NAV2: variants seen among roughly 807,000 people sequenced by gnomAD.
NAV2 encodes the protein helicase, APC down-regulated 1.
In NAV2, 54 loss-of-function variants were observed where a neutral mutation model predicts 223.2. The ratio of observed to expected loss-of-function variants is 0.24; its 90% CI spans 0.19 to 0.30. The LOEUF (loss-of-function observed/expected upper bound fraction) is 0.30, where lower values mean the gene tolerates loss of function less well. NAV2 is among the 10% of genes least tolerant of loss of function. NAV2 has a pLI of 1.00. For synonymous variants in NAV2, 1,279 were observed against 1,239.3 expected (o/e 1.03, Z -0.67); for missense variants, 2,806 against 3,147.5 (o/e 0.89, Z 2.60).
intron 1 of NAV2, among the ~76,000 whole-genome samples, chr11:19,748,009 A>G (rs1277261619): frequency 2.0e-5 from 3 of 152,200 alleles, no homozygotes; most frequent in African/African-American, 4.8e-5. Context: ...GCAGTTGAGC[A>G]TGGCATTAGT....
intron 1 of NAV2, among the ~76,000 whole-genome samples, chr11:19,430,635 C>A (rs1009711561): frequency 1.4e-4 from 21 of 152,230 alleles, no homozygotes; most frequent in African/African-American, 5.1e-4. Context: ...AACTTTCTCA[C>A]TTTGGCCTGC....
At chr11:20,092,417 C>G (rs769100489) in intron 28 of NAV2, 49 bp downstream of exon 28, 2 of 1,566,172 alleles carry the variant, frequency 1.3e-6, no homozygotes, top group Non-Finnish European at 1.7e-6. Context: ...ACAGCTGGCA[C>G]CCTGATCTCT....
chr11:19,624,084 G>A (rs7935500), intron 1 of NAV2, among the ~76,000 whole-genome samples: 151,079 of 152,290 alleles, frequency 0.99, 74,952 homozygotes, highest in Middle Eastern at 1. Flanking sequence ...AGAACAGCGA[G>A]TATTGCAGAA....
chr11:19,518,071 G>T (rs2043515262), intron 1 of NAV2, among the ~76,000 whole-genome samples: 1 of 152,264 alleles, frequency 6.6e-6, no homozygotes. Context: ...GGTGAATAGA[G>T]TGGGCTATTG....
chr11:20,061,932 T>C (rs1313413947), intron 19 of NAV2, among the ~76,000 whole-genome samples: 2 of 152,152 alleles, frequency 1.3e-5, no homozygotes, highest in Non-Finnish European at 2.9e-5. Flanking sequence ...TGAAGCGAAA[T>C]ATGCTGGAAC....
intron 9 of NAV2, among the ~76,000 whole-genome samples, chr11:19,947,658 T>A (rs2047040991): frequency 6.6e-6 from 1 of 152,156 alleles, no homozygotes; most frequent in South Asian, 2.1e-4. Flanking sequence ...CACACGATAG[T>A]CTTGACTGGG....
intron 1 of NAV2, among the ~76,000 whole-genome samples, chr11:19,780,296 AG>A (rs1432535820): frequency 6.6e-6 from 1 of 152,196 alleles, no homozygotes; most frequent in Non-Finnish European, 1.5e-5. Context: ...ACCCACTGGG[AG>A]GGGATAAGCT....
chr11:19,714,156 G>A (rs1226993972), intron 1 of NAV2, 194 bp downstream of exon 1: 4 of 809,134 alleles, frequency 4.9e-6, no homozygotes, highest in South Asian at 1.6e-5. Context: ...CCCGGGTGCC[G>A]GAGGTTTGCC....
rs571112596 is a variant in NAV2, at chr11:19,770,238, A to T, written c.267+56276A>T. Among the ~76,000 whole-genome samples the T allele has an allele frequency of 1.2e-3, 160 of 133,374 alleles. 2 individuals are homozygous for T. The highest frequency in any genetic ancestry group is 2.4e-3 in the Non-Finnish European group (152 of 63,294). The allele number at this position is 133,374 out of a possible 152,430, so 87.5% of individuals were successfully genotyped here. A position where few individuals can be genotyped will look rare whatever the true frequency, so the allele number is the denominator to read the frequency against. The stretch of plus-strand genomic sequence containing the variant: ...CTGTGCCCACAGTTCTGTGGCAGGA[A>T]TTTTTTTTAAGTTTAAAAAAATATT... On this transcript the variant is annotated intron_variant, in intron 1 of 37. Coordinates refer to ENST00000349880, the MANE Select transcript of NAV2 (RefSeq NM_145117.5).
chr11:19,767,768 G>A (rs1381584394), intron 1 of NAV2, among the ~76,000 whole-genome samples: 1 of 152,194 alleles, frequency 6.6e-6, no homozygotes, highest in East Asian at 1.9e-4. Context: ...TATTTTCCAG[G>A]GAAGACCAGA....
At chr11:19,876,095 G>A (rs1034092093) in intron 4 of NAV2, among the ~76,000 whole-genome samples, 5 of 151,978 alleles carry the variant, frequency 3.3e-5, no homozygotes, top group East Asian at 1.9e-4. Context: ...TCGTGATCTC[G>A]GCTCACTGCA....
At chr11:19,544,731 G>A (rs947786990) in intron 1 of NAV2, among the ~76,000 whole-genome samples, 3 of 152,184 alleles carry the variant, frequency 2.0e-5, no homozygotes, top group Non-Finnish European at 4.4e-5. Context: ...AAGTAAGAAG[G>A]GAATTAGGGA....
intron 3 of NAV2, among the ~76,000 whole-genome samples, chr11:19,866,416 G>T (rs2585787): frequency 0.88 from 133,358 of 152,214 alleles, 58,539 homozygotes; most frequent in East Asian, 1. Context: ...TAAAATTCTG[G>T]GAAAAAAATG....
At chr11:19,657,605 A>T (rs1245134743) in intron 1 of NAV2, among the ~76,000 whole-genome samples, 1 of 152,144 alleles carries the variant, frequency 6.6e-6, no homozygotes, top group African/African-American at 2.4e-5. Context: ...GTATTCTGAG[A>T]GGGTGAGGAA....
intron 1 of NAV2, among the ~76,000 whole-genome samples, chr11:19,613,746 G>C (rs910718557): frequency 6.6e-5 from 10 of 152,162 alleles, no homozygotes; most frequent in African/African-American, 2.4e-4. Context: ...ATGACCTTCG[G>C]CAAGTTAGTT....
chr11:19,449,857 A>C lies in NAV2; in HGVS notation c.75+98830A>C, dbSNP rs530127068. On this transcript the variant is annotated intron_variant, in intron 1 of 37. Transcript: ENST00000360655. The stretch of plus-strand genomic sequence containing the variant: ...CCACCCCCTGGCCCTTCCTTCTGCA[A>C]ATCTTTCTGGTGCTCTGCCCTCCAC... Among the ~76,000 whole-genome samples the C allele has an allele frequency of 1.1e-4, 16 of 151,174 alleles. No individual in the cohort carries two copies. In the South Asian group the frequency reaches 3.4e-3, roughly 32 times the overall value.
At chr11:19,640,518 T>G (rs1386328552) in intron 1 of NAV2, among the ~76,000 whole-genome samples, 1 of 152,176 alleles carries the variant, frequency 6.6e-6, no homozygotes, top group Admixed American at 6.5e-5. Context: ...ATTTACTCAC[T>G]TGAAGATCTT....
In NAV2 at chr11:19,882,686, A is replaced by G. The variant is rs555813768; in HGVS notation, c.770+2559A>G. Reference sequence around the variant, plus strand: ...ATCTCCCAGTAAGCCAAAACATCCTACTACTAACGAGTGCTTTACCTAAAG... The same window carrying G: ...ATCTCCCAGTAAGCCAAAACATCCTGCTACTAACGAGTGCTTTACCTAAAG... On this transcript the variant is annotated intron_variant, in intron 5 of 37. Transcript: ENST00000349880. 2.2e-4 allele frequency among the ~76,000 whole-genome samples: 34 copies of G among 152,294 alleles called. 1 individual carries two copies. The South Asian group carries it at 7.1e-3, about 32-fold the overall frequency.
chr11:19,400,313 T>C (rs1849630377), intron 1 of NAV2, among the ~76,000 whole-genome samples: 1 of 152,208 alleles, frequency 6.6e-6, no homozygotes, highest in Non-Finnish European at 1.5e-5. Context: ...CCTGCTATGT[T>C]CCAGGTAGAA....
Sources: allele counts gnomAD v4.1 joint callset (sites outside exome capture counted in the v4.1 genomes callset), GRCh38; gene constraint gnomAD v4.1.1; transcripts MANE v1.5; gene names NCBI Gene and HGNC (gene_info 2026-07-23, HGNC 2026-07-21).